Variants in SLC23A3 observed in about 807,000 individuals in gnomAD.
The protein encoded by SLC23A3 is E2-binding protein 3.
Under a neutral mutation model 64.7 loss-of-function variants are expected in SLC23A3, and 41 were observed. The observed-to-expected ratio is 0.63, with a 90% CI of 0.49 to 0.82. The LOEUF (loss-of-function observed/expected upper bound fraction) is 0.82, where lower values mean the gene tolerates loss of function less well. Ranked by LOEUF, SLC23A3 falls within the 40% of genes least tolerant of loss-of-function variation. The probability of loss-of-function intolerance (pLI) is 0.00; values close to 1 mark genes in which losing one functional copy is unlikely to be tolerated. For synonymous variants in SLC23A3, 281 were observed against 306.8 expected (o/e 0.92, Z 0.88); for missense variants, 647 against 733.4 (o/e 0.88, Z 1.36).
intron 8 of SLC23A3, 172 bp downstream of exon 8, chr2:219,164,997 A>G: frequency 1.2e-6 from 1 of 812,454 alleles, no homozygotes; most frequent in Non-Finnish European, 1.9e-6. Context: ...TTCCGTGGTG[A>G]TTTGTTCACT....
At position 219,163,743 on chromosome 2, in the gene SLC23A3, G is replaced by A. The variant is rs143554174; in HGVS notation, c.1274-188C>T. Among the ~76,000 whole-genome samples the A allele has an allele frequency of 1.6e-3, 247 of 152,074 alleles. 1 individual carries two copies. Among genetic ancestry groups the A allele is most frequent in the African/African-American group, 5.6e-3 (232 of 41,484 alleles). On this transcript the variant is annotated intron_variant, in intron 9 of 11. Transcript: ENST00000409878. ...CAAGTCTCACTGTAACGCCCAGCCTGGAGTGCAGTGGTGCAATCTCGGCTC... is the reference window on the plus strand; with the variant it reads ...CAAGTCTCACTGTAACGCCCAGCCTAGAGTGCAGTGGTGCAATCTCGGCTC...
intron 7 of SLC23A3, among the ~76,000 whole-genome samples, 186 bp from the exon 8 acceptor site, chr2:219,165,608 G>T (rs1392706611): frequency 6.6e-6 from 1 of 152,206 alleles, no homozygotes; most frequent in East Asian, 1.9e-4. Flanking sequence ...GTCCTCTTTG[G>T]TCTGGCCCTT....
chr2:219,167,887 C>A (rs1192926387), intron 7 of SLC23A3, 43 bp downstream of exon 7: 1 of 1,390,274 alleles, frequency 7.2e-7, no homozygotes, highest in Admixed American at 2.3e-5. Flanking sequence ...CAAATAGATA[C>A]CTTTATTTGA....
At chr2:219,165,541 G>A (rs968001688) in intron 7 of SLC23A3, 119 bp from the exon 8 acceptor site, 1 of 1,220,120 alleles carries the variant, frequency 8.2e-7, no homozygotes. Context: ...CAATGTCTTG[G>A]GACAAAACTA....
chr2:219,167,045 T>C (rs1950011387), intron 7 of SLC23A3, among the ~76,000 whole-genome samples: 1 of 152,188 alleles, frequency 6.6e-6, no homozygotes, highest in Non-Finnish European at 1.5e-5. Flanking sequence ...AGATCCTTAT[T>C]AAATTAATGA....
chr2:219,163,537 G>T lies in SLC23A3; in HGVS notation c.1292C>A (p.Thr431Asn), dbSNP rs1345003463. The T allele has an allele frequency of 6.2e-7, 1 of 1,614,166 alleles. No homozygotes were observed. The highest frequency in any genetic ancestry group is 1.7e-5 in the Admixed American group (1 of 60,016). ...TCCAGCAGACAAAACCACAGCCTGGGTCACCCCCAGCACCCCACCTGTCTC... is the reference window on the plus strand; with the variant it reads ...TCCAGCAGACAAAACCACAGCCTGGTTCACCCCCAGCACCCCACCTGTCTC... ...LPVVGGVLGV[T>N]QAVVLSAGFS... The change falls in exon 10 of 12, where the codon ACC (threonine) becomes AAC (asparagine). Residue 431 changes from threonine (T) to asparagine (N), a missense_variant. Thr to Asn is a moderately conservative substitution (Grantham distance 65). Coordinates refer to ENST00000409878, the MANE Select transcript of SLC23A3 (RefSeq NM_001144889.2).
chr2:219,168,194 C>T lies in SLC23A3; in HGVS notation c.798+1G>A. 3.7e-6 allele frequency: 6 copies of T among 1,613,682 alleles called. No individual in the cohort carries two copies. In the African/African-American group the frequency reaches 6.7e-5, roughly 18 times the overall value. Reference sequence around the variant, plus strand: ...ACTGCCCTGCCCAGACCCACACATACCGAAAGGAGCCGGAAGACAGGGAGA... The same window carrying T: ...ACTGCCCTGCCCAGACCCACACATATCGAAAGGAGCCGGAAGACAGGGAGA... On this transcript the variant is annotated splice_donor_variant, in intron 6 of 11. Coordinates refer to ENST00000409878, the MANE Select transcript of SLC23A3 (RefSeq NM_001144889.2). LOFTEE classifies it high-confidence loss of function.
At chr2:219,166,692 G>A (rs1950008520) in intron 7 of SLC23A3, among the ~76,000 whole-genome samples, 1 of 151,984 alleles carries the variant, frequency 6.6e-6, no homozygotes, top group African/African-American at 2.4e-5. Context: ...GTGCCACTAG[G>A]CCCAGCTAAT....
rs780317447 is a variant in SLC23A3 at position 219,169,043 on chromosome 2, T to C, written c.478A>G (p.Thr160Ala). 6.2e-7 allele frequency: 1 copy of C among 1,613,978 alleles called. No homozygotes were observed. Among genetic ancestry groups the C allele is most frequent in the Non-Finnish European group, 8.5e-7 (1 of 1,179,944 alleles). Residue 160 changes from threonine (T) to alanine (A), a missense_variant, in exon 4 of 12, where the codon ACT (threonine) becomes GCT (alanine). By Grantham distance (58) the Thr-to-Ala change is moderately conservative. Coordinates refer to ENST00000409878, the MANE Select transcript of SLC23A3 (RefSeq NM_001144889.2). This position sits in a 1 kb window ranked among gnomAD's most constrained non-coding sequence, Gnocchi z 4.5. ...PSCHGLGHWN[T>A]SLQEVSGAVV... ...CAGATACCCACCTCCTGGAGAGAAG[T>C]GTTCCAGTGCCCCAGGCCATGGCAG...
chr2:219,161,763 C>T lies in SLC23A3; in HGVS notation c.*146G>A. On this transcript the variant is annotated 3_prime_UTR_variant, in exon 12 of 12. Coordinates refer to ENST00000409878, the MANE Select transcript of SLC23A3 (RefSeq NM_001144889.2). ...AATTAAGACAAGGAAAGGCAACCCA[C>T]CCTATTGGGAAATGGAACCTCTAGA... The T allele has an allele frequency of 1.2e-6, 1 of 824,242 alleles. No individual in the cohort carries two copies. Among genetic ancestry groups the T allele is most frequent in the Non-Finnish European group, 1.8e-6 (1 of 554,378 alleles). 51.1% of individuals were successfully genotyped at this position (824,242 alleles called of 1,614,324 possible).
At chr2:219,168,079 C>G (rs1360500604) in intron 6 of SLC23A3, 35 bp from the exon 7 acceptor site, 3 of 1,566,864 alleles carry the variant, frequency 1.9e-6, no homozygotes, top group Admixed American at 2.0e-5. Flanking sequence ...ACTCCTCCCC[C>G]AGAACCTTCT....
At chr2:219,164,047 G>C (rs1002415404) in intron 9 of SLC23A3, among the ~76,000 whole-genome samples, 186 bp downstream of exon 9, 2 of 152,198 alleles carry the variant, frequency 1.3e-5, no homozygotes, top group Admixed American at 1.3e-4. Flanking sequence ...GCCCAATCAA[G>C]AGAAGACCAA....
Position 219,165,424 on chromosome 2 carries a change from T to TG in SLC23A3, c.914-3dup. 1.3e-6 allele frequency: 2 copies of TG among 1,544,120 alleles called. No homozygotes were observed. The highest frequency in any genetic ancestry group is 1.7e-6 in the Non-Finnish European group (2 of 1,144,722). On this transcript the variant is annotated splice_polypyrimidine_tract_variant and splice_region_variant and intron_variant, in intron 7 of 11. Coordinates refer to ENST00000409878, the MANE Select transcript of SLC23A3 (RefSeq NM_001144889.2). ...TCAGCAAAGGCCAATTCCACTCACC[T>TG]GGGGAGGGAGAAGAAGCCACTTTGG...
Position 219,161,946 on chromosome 2 carries a change from G to C in SLC23A3, c.1796C>G (p.Pro599Arg), listed in dbSNP as rs758836703. 1.0e-5 allele frequency: 16 copies of C among 1,602,350 alleles called. No homozygotes were observed. The East Asian group carries it at 3.4e-4, about 34-fold the overall frequency. Residue 599 changes from proline (P) to arginine (R), a missense_variant, in exon 12 of 12, where the codon CCT becomes CGT. Physicochemically the swap from Pro to Arg is moderately radical, Grantham distance 103 (BLOSUM62 -2). Coordinates refer to ENST00000409878, the MANE Select transcript of SLC23A3 (RefSeq NM_001144889.2). ...CCTAAACCCTTCTCTGCTAGATTCA[G>C]GGCATGGCTCCCCTGAGCCAGGCAG... ...DLLPGSGEPC[P>R]ESSREGFRSQ...
Position 219,169,179 on chromosome 2 carries a change from C to T in SLC23A3, c.419-77G>A, listed in dbSNP as rs1950036081. 2 of 1,606,238 alleles carry T rather than the reference C, an allele frequency of 1.2e-6. No homozygotes were observed. Among genetic ancestry groups the T allele is most frequent in the East Asian group, 2.2e-5 (1 of 44,836 alleles). On this transcript the variant is annotated intron_variant, in intron 3 of 11. Coordinates refer to ENST00000409878, the MANE Select transcript of SLC23A3 (RefSeq NM_001144889.2). The surrounding 1 kb of genome is among the most constrained non-coding windows in gnomAD (Gnocchi z 4.5). ...CATTGCTCTACAGTCCCACTCCTGGCACAGGTCCAAGCCCCCTATAGTGTC... is the reference window on the plus strand; with the variant it reads ...CATTGCTCTACAGTCCCACTCCTGGTACAGGTCCAAGCCCCCTATAGTGTC...
chr2:219,162,482 C>T, intron 10 of SLC23A3, 88 bp from the exon 11 acceptor site: 1 of 912,340 alleles, frequency 1.1e-6, no homozygotes, highest in Non-Finnish European at 1.8e-6. Flanking sequence ...AAACCTAAGC[C>T]TTGGACTAAG....
At position 219,168,039 on chromosome 2, in the gene SLC23A3, C is replaced by T. The variant is rs1323344269; in HGVS notation, c.804G>A (p.Leu268=). 1 of 1,583,492 alleles carries T rather than the reference C, an allele frequency of 6.3e-7. No homozygotes were observed. Among genetic ancestry groups the T allele is most frequent in the Non-Finnish European group, 8.6e-7 (1 of 1,168,772 alleles). The part of the protein sequence containing the change: ...PLPVFRLLSV[L]IPVACVWIVS... ...CAATCCACACACAGGCCACTGGGAT[C>T]AGCACCTGAGGGGCGAGACTGAGAA... The change falls in exon 7 of 12, where the codon CTG becomes CTA. Residue 268 remains leucine (L), a synonymous_variant. Transcript: ENST00000409878.
intron 10 of SLC23A3, among the ~76,000 whole-genome samples, chr2:219,162,920 C>A (rs1299286187): frequency 1.3e-5 from 2 of 152,196 alleles, no homozygotes; most frequent in Non-Finnish European, 2.9e-5. Context: ...CCCATGGGGG[C>A]AAAATCACCC....
At position 219,169,782 on chromosome 2, in the gene SLC23A3, C is replaced by T; in HGVS notation, c.162+41G>A. The stretch of plus-strand genomic sequence containing the variant: ...ACATCTACACCTACTTCCCCACACA[C>T]ACCATCAGGCAGCACCAACTCCTGC... On this transcript the variant is annotated intron_variant, in intron 1 of 11. Transcript: ENST00000409878. This position sits in a 1 kb window ranked among gnomAD's most constrained non-coding sequence, Gnocchi z 4.5. 3.1e-6 allele frequency: 5 copies of T among 1,612,800 alleles called. No homozygotes were observed. The highest frequency in any genetic ancestry group is 1.3e-5 in the African/African-American group (1 of 74,960).
Sources: allele counts gnomAD v4.1 joint callset (sites outside exome capture counted in the v4.1 genomes callset), GRCh38; gene constraint gnomAD v4.1.1; non-coding constraint Gnocchi (gnomAD v3.1); transcripts MANE v1.5; gene names NCBI Gene and HGNC (gene_info 2026-07-23, HGNC 2026-07-21).